The following F13A1 variants were observed in gnomAD, a reference collection of about 807,000 sequenced individuals.
F13A1 encodes the protein FSF, A subunit.
In F13A1, 47 loss-of-function variants were observed where a neutral mutation model predicts 80.1. The ratio of observed to expected loss-of-function variants is 0.59; its 90% CI spans 0.46 to 0.75. F13A1 has a LOEUF of 0.75. F13A1 is among the 30% of genes least tolerant of loss of function. The pLI, the probability that F13A1 is intolerant of heterozygous loss-of-function variation, is 0.00. For missense variants in F13A1, 817 were observed against 930.4 expected (o/e 0.88, Z 1.59); for synonymous variants, 349 against 344.9 (o/e 1.01, Z -0.13).
At chr6:6,287,488 A>AAG (rs10657268) in intron 3 of F13A1, among the ~76,000 whole-genome samples, 42,042 of 152,010 alleles carry the variant, frequency 0.28, 6,811 homozygotes, top group African/African-American at 0.44. Flanking sequence ...GGGAATAGGA[A>AAG]AGAGGGGAGA....
chr6:6,158,714 G>A (rs966842665), intron 13 of F13A1, among the ~76,000 whole-genome samples: 1 of 152,088 alleles, frequency 6.6e-6, no homozygotes, highest in Non-Finnish European at 1.5e-5. Flanking sequence ...TGTGGACATG[G>A]AGGGGAAAAT....
At chr6:6,186,025 G>C (rs1761074910) in intron 10 of F13A1, among the ~76,000 whole-genome samples, 3 of 151,112 alleles carry the variant, frequency 2.0e-5, no homozygotes, top group Admixed American at 1.3e-4. Flanking sequence ...GTCTTCTTTT[G>C]AGAAGTGTCT....
chr6:6,205,511 G>T (rs1761470146), intron 8 of F13A1, among the ~76,000 whole-genome samples: 1 of 152,198 alleles, frequency 6.6e-6, no homozygotes, highest in African/African-American at 2.4e-5. Flanking sequence ...AAAGTCTTTA[G>T]GGAGTGAGTC....
chr6:6,154,730 G>T (rs532343602), intron 13 of F13A1, among the ~76,000 whole-genome samples: 1 of 152,300 alleles, frequency 6.6e-6, no homozygotes, highest in Non-Finnish European at 1.5e-5. Context: ...TGGTGTCCCT[G>T]ATTTCATTCT....
At chr6:6,260,164 C>T (rs1480159149) in intron 4 of F13A1, among the ~76,000 whole-genome samples, 1 of 152,138 alleles carries the variant, frequency 6.6e-6, no homozygotes, top group Non-Finnish European at 1.5e-5. Flanking sequence ...ACTAAGCAAG[C>T]AATTATTCTC....
intron 13 of F13A1, among the ~76,000 whole-genome samples, chr6:6,164,917 C>T (rs1760640137): frequency 3.3e-5 from 5 of 152,046 alleles, no homozygotes; most frequent in Admixed American, 3.3e-4. Context: ...CCCCAGTCCA[C>T]AGGCCGGAGC....
At chr6:6,194,676 A>G (rs897721867) in intron 10 of F13A1, among the ~76,000 whole-genome samples, 2 of 152,092 alleles carry the variant, frequency 1.3e-5, no homozygotes, top group Non-Finnish European at 2.9e-5. Flanking sequence ...TTGTTATTTC[A>G]TGTTCAGTGT....
chr6:6,306,921 G>A (rs1356113845), intron 2 of F13A1, among the ~76,000 whole-genome samples: 1 of 152,212 alleles, frequency 6.6e-6, no homozygotes, highest in East Asian at 1.9e-4. Flanking sequence ...CAAGAAGTTG[G>A]GCTCTTTAAG....
At chr6:6,155,559 G>A (rs928943523) in intron 13 of F13A1, among the ~76,000 whole-genome samples, 3 of 152,010 alleles carry the variant, frequency 2.0e-5, no homozygotes, top group Non-Finnish European at 4.4e-5. Flanking sequence ...CCTGCACCGA[G>A]AATGTAAACT....
intron 2 of F13A1, among the ~76,000 whole-genome samples, chr6:6,310,049 T>C (rs1473290525): frequency 6.6e-6 from 1 of 152,188 alleles, no homozygotes; most frequent in African/African-American, 2.4e-5. Flanking sequence ...AAACCTGGCT[T>C]TCCAGCTTTA....
intron 6 of F13A1, among the ~76,000 whole-genome samples, chr6:6,245,420 C>T (rs773169253): frequency 3.3e-5 from 5 of 152,162 alleles, no homozygotes; most frequent in Non-Finnish European, 7.3e-5. Flanking sequence ...GATAGGGTTT[C>T]TCCATGTTGG....
At chr6:6,291,706 C>G (rs1245167555) in intron 3 of F13A1, among the ~76,000 whole-genome samples, 6 of 152,168 alleles carry the variant, frequency 3.9e-5, no homozygotes, top group Non-Finnish European at 7.3e-5. Flanking sequence ...CTCATTTGGT[C>G]TTTGTCTCCT....
At chr6:6,273,754 G>T (rs937901993) in intron 3 of F13A1, among the ~76,000 whole-genome samples, 3 of 152,224 alleles carry the variant, frequency 2.0e-5, no homozygotes, top group South Asian at 2.1e-4. Flanking sequence ...AGCGCTGGAA[G>T]TGTGAATACA....
intron 4 of F13A1, among the ~76,000 whole-genome samples, chr6:6,263,361 T>C (rs1231747050): frequency 4.6e-5 from 7 of 152,148 alleles, no homozygotes; most frequent in African/African-American, 7.2e-5. Context: ...TCCTCCCCTA[T>C]CCTATTCAAC....
Position 6,264,723 on chromosome 6 carries a change from A to G in F13A1, c.571+1835T>C, listed in dbSNP as rs148330566. Among the ~76,000 whole-genome samples the G allele has an allele frequency of 7.7e-4, 118 of 152,330 alleles. 1 individual carries two copies. In the East Asian group the frequency reaches 0.013, roughly 17 times the overall value. On this transcript the variant is annotated intron_variant, in intron 4 of 14. Transcript: ENST00000264870. ...ATATATCTGTAACTCTGATCCTCTC[A>G]GTATTTTTCATCTCTGTAAATATCA...
chr6:6,220,536 A>G (rs953720734), intron 8 of F13A1, among the ~76,000 whole-genome samples: 4 of 149,476 alleles, frequency 2.7e-5, no homozygotes, highest in East Asian at 1.9e-4. Context: ...ACTTAGCTAC[A>G]AAGGCTGTGT....
At chr6:6,149,640 G>A (rs542988316) in intron 14 of F13A1, among the ~76,000 whole-genome samples, 1 of 152,166 alleles carries the variant, frequency 6.6e-6, no homozygotes, top group East Asian at 1.9e-4. Flanking sequence ...ATCAGGAACC[G>A]AATTGGTCGG....
In F13A1 at chr6:6,266,515, T is replaced by G. The variant is rs1757846433; in HGVS notation, c.571+43A>C. 5.0e-6 allele frequency: 8 copies of G among 1,614,044 alleles called. No homozygotes were observed. In the East Asian group the frequency reaches 1.8e-4, roughly 36 times the overall value. ...GCATGTGCCATGGCACCCCGCCAAA[T>G]AGGTGAATTTTTAAATGAGAAAACT... On this transcript the variant is annotated intron_variant, in intron 4 of 14. Transcript: ENST00000264870.
At chr6:6,283,008 G>T (rs938785956) in intron 3 of F13A1, among the ~76,000 whole-genome samples, 1 of 152,150 alleles carries the variant, frequency 6.6e-6, no homozygotes, top group Non-Finnish European at 1.5e-5. Flanking sequence ...CACTCAACCT[G>T]TGCCACCACC....
Sources: gnomAD v4.1 joint callset for allele counts (sites outside exome capture counted in the v4.1 genomes callset) on GRCh38, gnomAD v4.1.1 for gene constraint, MANE v1.5 for transcripts, NCBI Gene and HGNC (gene_info 2026-07-23, HGNC 2026-07-21) for gene names.